Variants in PTPN12 observed in about 807,000 individuals in gnomAD.
PTPN12 encodes the protein tyrosine-protein phosphatase non-receptor type 12.
A neutral mutation model predicts 97.6 loss-of-function variants in PTPN12; 29 were observed. The ratio of observed to expected loss-of-function variants is 0.30; its 90% CI spans 0.22 to 0.41. The LOEUF (loss-of-function observed/expected upper bound fraction) is 0.41. Ranked by LOEUF, PTPN12 falls within the 10% of genes least tolerant of loss-of-function variation. PTPN12 has a pLI of 1.00. For synonymous variants in PTPN12, 327 were observed against 300.4 expected (o/e 1.09, Z -0.91); for missense variants, 819 against 926.0 (o/e 0.88, Z 1.50).
intron 8 of PTPN12, chr7:77,604,751 T>C (rs567914703): frequency 4.9e-4 from 103 of 210,732 alleles, no homozygotes; most frequent in African/African-American, 2.2e-3. Context: ...AGATTTACTT[T>C]TTAACATTTA....
intron 8 of PTPN12, among the ~76,000 whole-genome samples, chr7:77,606,674 A>G (rs1036303183): frequency 7.2e-5 from 11 of 152,270 alleles, no homozygotes; most frequent in Admixed American, 3.3e-4. Flanking sequence ...GGAAAATTTC[A>G]GAAGTAAACA....
intron 11 of PTPN12, among the ~76,000 whole-genome samples, chr7:77,614,423 A>G (rs1788681577): frequency 6.6e-6 from 1 of 152,210 alleles, no homozygotes; most frequent in African/African-American, 2.4e-5. Context: ...TAAAAAAGTC[A>G]TACTTTGTAG....
At chr7:77,636,794 G>A (rs1435873823) in intron 15 of PTPN12, 1 of 396,940 alleles carries the variant, frequency 2.5e-6, no homozygotes, top group Non-Finnish European at 4.5e-6. Context: ...TCATGCAGTA[G>A]CCCATGCTTT....
intron 13 of PTPN12, among the ~76,000 whole-genome samples, chr7:77,628,527 G>A (rs955946413): frequency 1.3e-5 from 2 of 151,668 alleles, no homozygotes; most frequent in African/African-American, 4.8e-5. Context: ...TATTTATAAC[G>A]TGCAGGCAAA....
chr7:77,602,573 T>TTACACTAC (rs1223599116), intron 8 of PTPN12, among the ~76,000 whole-genome samples: 2 of 151,620 alleles, frequency 1.3e-5, no homozygotes, highest in East Asian at 3.9e-4. Flanking sequence ...TAGACACCAA[T>TTACACTAC]TACACTACTG....
intron 11 of PTPN12, among the ~76,000 whole-genome samples, chr7:77,611,441 T>C (rs1299037215): frequency 6.6e-6 from 1 of 152,208 alleles, no homozygotes; most frequent in Non-Finnish European, 1.5e-5. Flanking sequence ...GTATATGCTT[T>C]TCTTTTCTTT....
intron 8 of PTPN12, among the ~76,000 whole-genome samples, chr7:77,602,029 A>T (rs903324523): frequency 6.6e-6 from 1 of 152,164 alleles, no homozygotes; most frequent in Non-Finnish European, 1.5e-5. Flanking sequence ...CACAATATAA[A>T]TCTTTTCATT....
chr7:77,556,815 C>A (rs1190387172), intron 1 of PTPN12, among the ~76,000 whole-genome samples: 2 of 151,894 alleles, frequency 1.3e-5, no homozygotes, highest in African/African-American at 4.8e-5. Flanking sequence ...GGTGACAGAG[C>A]AAGACTCCAT....
At chr7:77,551,271 G>A (rs771215144) in intron 1 of PTPN12, among the ~76,000 whole-genome samples, 1 of 152,096 alleles carries the variant, frequency 6.6e-6, no homozygotes, top group African/African-American at 2.4e-5. Flanking sequence ...ATGTTGTCCA[G>A]GCTGGTCTTG....
chr7:77,601,355 TAATTTTTTTTAATTAAAAAA>T (rs576160559), intron 8 of PTPN12, among the ~76,000 whole-genome samples: 2 of 152,248 alleles, frequency 1.3e-5, no homozygotes, highest in South Asian at 4.1e-4. Context: ...CACACTGAAC[TAATTTTTTTTAATTAAAAAA>T]AATTTTTTTT....
At chr7:77,618,381 T>G in intron 11 of PTPN12, 99 bp from the exon 12 acceptor site, 2 of 772,672 alleles carry the variant, frequency 2.6e-6, no homozygotes, top group Non-Finnish European at 4.0e-6. Context: ...AAATTGGCAT[T>G]GTTTAAGGAT....
chr7:77,538,521 A>G (rs1183013939), intron 1 of PTPN12, among the ~76,000 whole-genome samples: 1 of 151,818 alleles, frequency 6.6e-6, no homozygotes, highest in African/African-American at 2.4e-5. Context: ...ACTGGGAGAT[A>G]ACCTTCCCAG....
rs1554326598 is a variant in PTPN12 at position 77,625,472 on chromosome 7, G to GCTTGCGCTCTCTCTCTCTCTCTCTCT, written c.1026-1231_1026-1230insTGCGCTCTCTCTCTCTCTCTCTCTCT. ...TTTTGCCATATTGCCCAGGCTGCTC[G>GCTTGCGCTCTCTCTCTCTCTCTCTCT]CTCTCTCTCTCTCTCTCTCTCTCTC... On this transcript the variant is annotated intron_variant, in intron 12 of 17. Transcript: ENST00000248594. Among the ~76,000 whole-genome samples, 5 of 33,530 alleles carry GCTTGCGCTCTCTCTCTCTCTCTCTCT rather than the reference G, an allele frequency of 1.5e-4. 1 individual carries two copies. Among genetic ancestry groups the GCTTGCGCTCTCTCTCTCTCTCTCTCT allele is most frequent in the African/African-American group, 6.6e-4 (5 of 7,530 alleles). The allele number at this position is 33,530 out of a possible 152,430, so 22.0% of individuals were successfully genotyped here.
At chr7:77,602,530 T>C (rs940851824) in intron 8 of PTPN12, among the ~76,000 whole-genome samples, 1 of 151,854 alleles carries the variant, frequency 6.6e-6, no homozygotes, top group Non-Finnish European at 1.5e-5. Flanking sequence ...CGAGGCAGGA[T>C]GATTGCTTGA....
chr7:77,611,361 C>T (rs529244615), intron 11 of PTPN12, among the ~76,000 whole-genome samples: 12 of 152,246 alleles, frequency 7.9e-5, no homozygotes, highest in Admixed American at 3.9e-4. Flanking sequence ...TTCCCTTCCA[C>T]CCCCACCCAA....
intron 12 of PTPN12, among the ~76,000 whole-genome samples, chr7:77,623,773 AG>A (rs1453815733): frequency 6.6e-6 from 1 of 152,242 alleles, no homozygotes; most frequent in African/African-American, 2.4e-5. Context: ...ATGTACACGT[AG>A]GGAAAATAAT....
At chr7:77,585,953 T>G (rs531021187) in intron 5 of PTPN12, among the ~76,000 whole-genome samples, 8 of 152,242 alleles carry the variant, frequency 5.3e-5, no homozygotes, top group African/African-American at 1.7e-4. Context: ...CATGCCTTAT[T>G]TTATTTTTTT....
chr7:77,597,593 A>G (rs961332430), intron 6 of PTPN12, among the ~76,000 whole-genome samples: 4 of 152,040 alleles, frequency 2.6e-5, no homozygotes, highest in African/African-American at 4.8e-5. Context: ...AATGGGGTAC[A>G]TGTGATTTTG....
In PTPN12 at chr7:77,597,919, AT is replaced by A; in HGVS notation, c.552+19del. 2 of 1,610,872 alleles carry A rather than the reference AT, an allele frequency of 1.2e-6. No individual in the cohort carries two copies. The highest frequency in any genetic ancestry group is 1.7e-6 in the Non-Finnish European group (2 of 1,178,908). ...TTCAAAATGTAGGTACTTACCATTT[AT>A]AGACTATCTGTAAGAATAGTTTTCA... On this transcript the variant is annotated intron_variant, in intron 7 of 17. Transcript: ENST00000248594.
Sources: allele counts gnomAD v4.1 joint callset (sites outside exome capture counted in the v4.1 genomes callset), GRCh38; gene constraint gnomAD v4.1.1; transcripts MANE v1.5; gene names NCBI Gene and HGNC (gene_info 2026-07-23, HGNC 2026-07-21).